Variants in ITSN2 observed in about 807,000 individuals in gnomAD.
ITSN2 encodes intersectin-2.
ITSN2 carries 156 observed loss-of-function variants against 243.7 expected under a neutral mutation model. The observed-to-expected ratio is 0.64, with a 90% CI of 0.56 to 0.73. The LOEUF is 0.73. ITSN2 is among the 30% of genes least tolerant of loss of function. ITSN2 has a pLI of 0.00. For synonymous variants in ITSN2, 703 were observed against 699.9 expected (o/e 1.00, Z -0.07); for missense variants, 1,801 against 1,996.1 (o/e 0.90, Z 1.86).
chr2:24,345,790 T>G (rs1167080059), intron 1 of ITSN2, among the ~76,000 whole-genome samples: 1 of 151,804 alleles, frequency 6.6e-6, no homozygotes, highest in African/African-American at 2.4e-5. Flanking sequence ...ATCTAGCTTG[T>G]TTGTCTTTTA....
At chr2:24,264,439 G>C (rs1033822459) in intron 20 of ITSN2, among the ~76,000 whole-genome samples, 1 of 143,382 alleles carries the variant, frequency 7.0e-6, no homozygotes, top group African/African-American at 2.6e-5. Flanking sequence ...GATTGTCATA[G>C]CTAAGAAACT....
At chr2:24,247,639 G>A (rs879435455) in intron 27 of ITSN2, among the ~76,000 whole-genome samples, 1 of 152,128 alleles carries the variant, frequency 6.6e-6, no homozygotes, top group Admixed American at 6.5e-5. Flanking sequence ...TCAAACTACT[G>A]CTGAAAACAG....
At chr2:24,244,831 T>TA (rs1673143028) in intron 29 of ITSN2, among the ~76,000 whole-genome samples, 1 of 152,178 alleles carries the variant, frequency 6.6e-6, no homozygotes, top group African/African-American at 2.4e-5. Context: ...TTGCTTTATG[T>TA]AAAGGGAAGG....
intron 30 of ITSN2, among the ~76,000 whole-genome samples, chr2:24,218,602 G>C (rs191900287): frequency 2.6e-5 from 4 of 151,848 alleles, no homozygotes; most frequent in Admixed American, 6.6e-5. Context: ...ACACACACGC[G>C]TGTGTGTTTG....
At chr2:24,253,036 G>A (rs1375701342) in intron 24 of ITSN2, among the ~76,000 whole-genome samples, 3 of 152,190 alleles carry the variant, frequency 2.0e-5, no homozygotes, top group Non-Finnish European at 4.4e-5. Flanking sequence ...TCCTAGCACA[G>A]TGCTTGACTT....
At chr2:24,337,701 T>C (rs145425092) in intron 1 of ITSN2, among the ~76,000 whole-genome samples, 3 of 143,514 alleles carry the variant, frequency 2.1e-5, no homozygotes, top group Non-Finnish European at 4.5e-5. Flanking sequence ...TTACCCAGGC[T>C]AGACTCAAAC....
intron 10 of ITSN2, among the ~76,000 whole-genome samples, chr2:24,301,517 C>T (rs1382293013): frequency 6.6e-6 from 1 of 151,040 alleles, no homozygotes; most frequent in African/African-American, 2.4e-5. Flanking sequence ...AATGAAAACA[C>T]ATCCACTTCT....
At chr2:24,223,989 A>T (rs1670773320) in intron 29 of ITSN2, among the ~76,000 whole-genome samples, 1 of 152,106 alleles carries the variant, frequency 6.6e-6, no homozygotes, top group African/African-American at 2.4e-5. Flanking sequence ...GCCAGGGGGA[A>T]CTGCAGAGGG....
At chr2:24,247,170 G>A (rs1673487731) in intron 27 of ITSN2, among the ~76,000 whole-genome samples, 1 of 152,122 alleles carries the variant, frequency 6.6e-6, no homozygotes, top group South Asian at 2.1e-4. Flanking sequence ...CTCTACCTTG[G>A]TAGGGGATGG....
chr2:24,284,712 A>G, intron 17 of ITSN2, 51 bp downstream of exon 17: 1 of 1,113,666 alleles, frequency 9.0e-7, no homozygotes. Context: ...TTTTAAAAAA[A>G]TAAAACAGCA....
At position 24,301,954 on chromosome 2, in the gene ITSN2, G is replaced by A; in HGVS notation, c.995+11C>T. On this transcript the variant is annotated intron_variant, in intron 10 of 39. Coordinates refer to ENST00000355123, the MANE Select transcript of ITSN2 (RefSeq NM_006277.3). ...TCAAAACCATAGTTCTCCACCTCCA[G>A]GCACACTCACCTGAAAGATGGAGGA... 1.2e-6 allele frequency: 2 copies of A among 1,601,134 alleles called. No homozygotes were observed. Among genetic ancestry groups the A allele is most frequent in the Non-Finnish European group, 8.5e-7 (1 of 1,173,460 alleles).
intron 1 of ITSN2, among the ~76,000 whole-genome samples, chr2:24,332,145 G>A (rs1330573897): frequency 6.6e-6 from 1 of 152,160 alleles, no homozygotes; most frequent in Non-Finnish European, 1.5e-5. Context: ...GGGTGGCTGC[G>A]GCAGGAGAAT....
chr2:24,292,103 G>C (rs1680327176), intron 15 of ITSN2, among the ~76,000 whole-genome samples: 1 of 152,124 alleles, frequency 6.6e-6, no homozygotes, highest in Admixed American at 6.6e-5. Context: ...GCACATGGCT[G>C]GTAATCTTAA....
chr2:24,319,241 G>A (rs950564200), intron 2 of ITSN2, among the ~76,000 whole-genome samples: 1 of 152,176 alleles, frequency 6.6e-6, no homozygotes, highest in Admixed American at 6.5e-5. Context: ...TTATGGCTCT[G>A]AAATGAGAAA....
rs534527339 is a variant in ITSN2, at chr2:24,210,804, G to A, written c.4233C>T (p.His1411=). Residue 1411 remains histidine, a synonymous_variant, in exon 34 of 40, where the codon CAC becomes CAT. Coordinates refer to ENST00000355123, the MANE Select transcript of ITSN2 (RefSeq NM_006277.3). ...CCTCCGCGAGGCCTTCACACTGCAC[G>A]TGCGCCTGGATCCACTCCAGTCGGT... is the stretch of plus-strand genomic sequence containing the variant. ...NSDRLEWIQA[H]VQCEGLAEQL... The A allele has an allele frequency of 2.0e-5, 32 of 1,613,918 alleles. No individual in the cohort carries two copies. The South Asian group carries it at 2.3e-4, about 12-fold the overall frequency.
chr2:24,278,915 G>A (rs1678397491), intron 17 of ITSN2, among the ~76,000 whole-genome samples: 1 of 152,050 alleles, frequency 6.6e-6, no homozygotes, highest in Non-Finnish European at 1.5e-5. Context: ...GCCTCCCAAA[G>A]GGCTGGGATT....
intron 13 of ITSN2, among the ~76,000 whole-genome samples, chr2:24,297,426 C>T (rs1681110326): frequency 6.6e-6 from 1 of 152,210 alleles, no homozygotes; most frequent in Non-Finnish European, 1.5e-5. Context: ...CCTCTAACAT[C>T]TGATTGGTAA....
intron 8 of ITSN2, among the ~76,000 whole-genome samples, chr2:24,305,982 T>C (rs1218586848): frequency 6.6e-6 from 1 of 152,168 alleles, no homozygotes; most frequent in Non-Finnish European, 1.5e-5. Context: ...TGCTGCCTAA[T>C]AATTTTTTCT....
intron 35 of ITSN2, 141 bp downstream of exon 35, chr2:24,209,677 A>C: frequency 1.5e-6 from 1 of 650,784 alleles, no homozygotes; most frequent in Non-Finnish European, 2.7e-6. Context: ...TCCCGTGGGA[A>C]GCAGCAAAGG....
Sources: allele counts gnomAD v4.1 joint callset (sites outside exome capture counted in the v4.1 genomes callset), GRCh38; gene constraint gnomAD v4.1.1; transcripts MANE v1.5; gene names NCBI Gene and HGNC (gene_info 2026-07-23, HGNC 2026-07-21).